The following EMC3 variants were observed in gnomAD, a reference collection of about 807,000 sequenced individuals.
The protein encoded by EMC3 is 30 kDa protein.
EMC3 carries 13 observed loss-of-function variants against 36.6 expected under a neutral mutation model. The ratio of observed to expected loss-of-function variants is 0.35; its 90% confidence interval spans 0.23 to 0.56. EMC3 has a LOEUF of 0.56. Ranked by LOEUF, EMC3 falls within the 20% of genes least tolerant of loss-of-function variation. The pLI, the probability that EMC3 is intolerant of heterozygous loss-of-function variation, is 0.84. For missense variants in EMC3, 220 were observed against 324.5 expected (o/e 0.68, Z 2.47); for synonymous variants, 120 against 111.9 (o/e 1.07, Z -0.46).
chr3:9,983,875 AG>A (rs1238617620), intron 1 of EMC3, among the ~76,000 whole-genome samples: 1 of 152,200 alleles, frequency 6.6e-6, no homozygotes, highest in Non-Finnish European at 1.5e-5. Flanking sequence ...TCTGAGTTCA[AG>A]TACAGGCACA....
At chr3:10,004,548 C>G (rs541248158) in intron 1 of EMC3, 1 of 152,426 alleles carries the variant, frequency 6.6e-6, no homozygotes, top group African/African-American at 2.4e-5. Context: ...TTCCCTCTTT[C>G]ACTGAAGCGG....
At chr3:9,978,392 G>A (rs1258984799) in intron 1 of EMC3, 1 of 151,708 alleles carries the variant, frequency 6.6e-6, no homozygotes, top group Non-Finnish European at 1.5e-5. Context: ...AGATGCAAAT[G>A]ACAAAACAGA....
At chr3:9,998,082 T>C (rs2086149568) in intron 1 of EMC3, among the ~76,000 whole-genome samples, 1 of 151,934 alleles carries the variant, frequency 6.6e-6, no homozygotes, top group Non-Finnish European at 1.5e-5. Context: ...AAAAATGTTT[T>C]ATGGCCGGGC....
intron 7 of EMC3, chr3:9,968,986 AT>A (rs898350814): frequency 2.2e-4 from 33 of 149,666 alleles, no homozygotes; most frequent in East Asian, 7.8e-4. Context: ...TGCCCAGCAA[AT>A]TTTTTTTTTG....
chr3:9,972,396 T>G (rs980965724), intron 5 of EMC3, among the ~76,000 whole-genome samples: 12 of 151,038 alleles, frequency 7.9e-5, no homozygotes, highest in Non-Finnish European at 1.8e-4. Flanking sequence ...ACACATTCTT[T>G]CCTTTTGCTA....
At chr3:9,991,458 C>CAT (rs2086051197), upstream of EMC3, among the ~76,000 whole-genome samples, 1 of 152,162 alleles carries the variant, frequency 6.6e-6, no homozygotes, top group Admixed American at 6.5e-5. Flanking sequence ...TATGCCTACA[C>CAT]ATATATATGT....
intron 3 of EMC3, 133 bp from the exon 4 acceptor site, chr3:9,974,621 C>T (rs35694837): frequency 0.21 from 114,831 of 554,684 alleles, 12,962 homozygotes; most frequent in African/African-American, 0.37. Context: ...TGCAGTGGTG[C>T]GATCTCAGCT....
At chr3:9,985,692 G>C (rs1042372676) in intron 1 of EMC3, among the ~76,000 whole-genome samples, 15 of 152,188 alleles carry the variant, frequency 9.9e-5, no homozygotes, top group African/African-American at 1.9e-4. Flanking sequence ...GGTCGAGTTC[G>C]AGAACAGCCT....
At chr3:9,985,045 GAACT>G (rs1463851159) in intron 1 of EMC3, among the ~76,000 whole-genome samples, 2 of 152,184 alleles carry the variant, frequency 1.3e-5, no homozygotes, top group Non-Finnish European at 2.9e-5. Flanking sequence ...TAATTGGGAA[GAACT>G]AACTGAAAAT....
chr3:9,969,336 C>A, intron 7 of EMC3: 1 of 1,100,936 alleles, frequency 9.1e-7, no homozygotes, highest in East Asian at 8.7e-5. Context: ...CTAAATTTTG[C>A]AAATTCTAGA....
chr3:9,964,020 G>C lies in EMC3; in HGVS notation c.*49C>G. On this transcript the variant is annotated 3_prime_UTR_variant, in exon 8 of 8. Transcript: ENST00000245046. ...GTGCCAGCTCCAAACAAAGTTACAA[G>C]GTTAAGTGCAACTCCAAGTTCCTGA... The C allele has an allele frequency of 1.9e-6, 3 of 1,603,228 alleles. No homozygotes were observed. The highest frequency in any genetic ancestry group is 2.6e-6 in the Non-Finnish European group (3 of 1,174,494).
At chr3:9,984,070 G>C (rs1475672746) in intron 1 of EMC3, among the ~76,000 whole-genome samples, 1 of 151,782 alleles carries the variant, frequency 6.6e-6, no homozygotes, top group African/African-American at 2.4e-5. Flanking sequence ...TTCTTTCTGT[G>C]GTAAATACAC....
intron 1 of EMC3, among the ~76,000 whole-genome samples, chr3:9,977,719 T>C (rs1371856194): frequency 6.6e-6 from 1 of 152,224 alleles, no homozygotes; most frequent in Admixed American, 6.5e-5. Flanking sequence ...TACACTCAGC[T>C]TTTTCTTATT....
chr3:9,992,135 T>G (rs2086061150), intron 1 of EMC3, among the ~76,000 whole-genome samples: 1 of 152,034 alleles, frequency 6.6e-6, no homozygotes, highest in Non-Finnish European at 1.5e-5. Flanking sequence ...TAAAAAGTCT[T>G]TTTTAGACAG....
chr3:9,991,715 T>G (rs150575160), upstream of EMC3, among the ~76,000 whole-genome samples: 392 of 152,268 alleles, frequency 2.6e-3, no homozygotes, highest in African/African-American at 9.0e-3. Flanking sequence ...TTTTTCCACT[T>G]CATATCAGGA....
chr3:9,997,756 G>A (rs529398689), intron 1 of EMC3, among the ~76,000 whole-genome samples: 6 of 152,154 alleles, frequency 3.9e-5, no homozygotes, highest in East Asian at 3.9e-4. Context: ...CACTGCGCCC[G>A]GCCCCCATTC....
chr3:9,977,556 C>T, intron 1 of EMC3, 110 bp from the exon 2 acceptor site: 2 of 902,338 alleles, frequency 2.2e-6, no homozygotes, highest in Admixed American at 2.8e-5. Flanking sequence ...TATTTGGCAA[C>T]AGCTCTGTGT....
intron 1 of EMC3, among the ~76,000 whole-genome samples, chr3:9,984,395 T>TAAGGTTCGCTCCAGGGTGGGG: frequency 6.6e-6 from 1 of 151,232 alleles, no homozygotes; most frequent in East Asian, 2.0e-4. Flanking sequence ...GTTGACTTCT[T>TAAGGTTCGCTCCAGGGTGGGG]TTCTGTTTTT....
At chr3:9,965,447 T>C (rs1489392606) in intron 7 of EMC3, among the ~76,000 whole-genome samples, 1 of 152,000 alleles carries the variant, frequency 6.6e-6, no homozygotes, top group South Asian at 2.1e-4. Context: ...GATAGATAGA[T>C]AGATAGATAG....
Sources: allele counts gnomAD v4.1 joint callset (sites outside exome capture counted in the v4.1 genomes callset), GRCh38; gene constraint gnomAD v4.1.1; transcripts MANE v1.5; gene names NCBI Gene and HGNC (gene_info 2026-07-23, HGNC 2026-07-21).